ZMYM1: variants seen among roughly 807,000 people sequenced by gnomAD.
ZMYM1 encodes the protein zinc finger MYM-type containing 1.
In ZMYM1, 39 loss-of-function variants were observed where a neutral mutation model predicts 60.0. The observed-to-expected ratio is 0.65, with a 90% CI of 0.50 to 0.85. The LOEUF (loss-of-function observed/expected upper bound fraction) is 0.85, where lower values mean the gene tolerates loss of function less well. Among genes scored for constraint, ZMYM1 ranks in the 40% least tolerant of loss-of-function variants. The probability of loss-of-function intolerance (pLI) is 0.00; values close to 1 mark genes in which losing one functional copy is unlikely to be tolerated. For synonymous variants in ZMYM1, 413 were observed against 454.0 expected (o/e 0.91, Z 1.15); for missense variants, 1,171 against 1,309.5 (o/e 0.89, Z 1.63).
At chr1:35,077,768 A>C (rs1164299770), upstream of ZMYM1, among the ~76,000 whole-genome samples, 1 of 152,144 alleles carries the variant, frequency 6.6e-6, no homozygotes, top group Non-Finnish European at 1.5e-5. Context: ...TTGTCCTTAA[A>C]AACTCTGATT....
chr1:35,117,315 A>G (rs1327644597), downstream of ZMYM1, among the ~76,000 whole-genome samples: 1 of 149,972 alleles, frequency 6.7e-6, no homozygotes, highest in East Asian at 2.0e-4. Flanking sequence ...TACCTGTTTT[A>G]CTTTCTTTCT....
At chr1:35,117,477 G>A (rs763327108), downstream of ZMYM1, among the ~76,000 whole-genome samples, 3 of 151,632 alleles carry the variant, frequency 2.0e-5, no homozygotes, top group Non-Finnish European at 2.9e-5. Context: ...CCACCACCAC[G>A]CCTGGCTCAT....
chr1:35,114,773 A>G lies in ZMYM1; in HGVS notation c.2943A>G (p.Leu981=), dbSNP rs751374388. Residue 981 remains leucine (L), a synonymous_variant, in exon 10 of 10, where the codon TTA becomes TTG. Transcript: ENST00000359858. ...ATACTATATTACAAAATTTAAAGTT[A>G]TGTTTTTCGGAGTTTGATTATTGCA... ...GLDTILQNLK[L]CFSEFDYCKI... is the part of the protein sequence containing the mutation. 1.5e-5 allele frequency: 24 copies of G among 1,598,094 alleles called. No homozygotes were observed. In the South Asian group the frequency reaches 2.6e-4, roughly 17 times the overall value.
At chr1:35,069,200 A>C (rs1642027395) in intron 1 of ZMYM1, among the ~76,000 whole-genome samples, 1 of 152,188 alleles carries the variant, frequency 6.6e-6, no homozygotes, top group Admixed American at 6.5e-5. Flanking sequence ...GTACTAGTTT[A>C]TAATTTCACC....
Position 35,115,386 on chromosome 1 carries a change from C to A in ZMYM1, c.*127C>A. The A allele has an allele frequency of 8.8e-7, 1 of 1,141,334 alleles. No homozygotes were observed. 70.7% of individuals were successfully genotyped at this position (1,141,334 alleles called of 1,614,324 possible). On this transcript the variant is annotated 3_prime_UTR_variant, in exon 10 of 10. Coordinates refer to ENST00000359858, the MANE Select transcript of ZMYM1 (RefSeq NM_024772.5). ...AAGTCTCCTTCCCTCCTTTAGAACT[C>A]ATTTTCTCTTCCCAAAAAGTGTTAT...
At chr1:35,116,975 C>G (rs1223889389), downstream of ZMYM1, among the ~76,000 whole-genome samples, 4 of 148,420 alleles carry the variant, frequency 2.7e-5, no homozygotes, top group African/African-American at 9.8e-5. Context: ...TCCCGAGTAG[C>G]TGGGACTACA....
chr1:35,086,714 A>T (rs532974929), intron 1 of ZMYM1, among the ~76,000 whole-genome samples: 1 of 150,882 alleles, frequency 6.6e-6, no homozygotes, highest in African/African-American at 2.4e-5. Flanking sequence ...GCAGTTTCGC[A>T]CTGTCACCCA....
intron 4 of ZMYM1, among the ~76,000 whole-genome samples, chr1:35,097,890 C>T (rs1016968308): frequency 6.6e-6 from 1 of 152,172 alleles, no homozygotes; most frequent in African/African-American, 2.4e-5. Context: ...CTCAGGTGAT[C>T]CGCTTGCCTT....
intron 1 of ZMYM1, among the ~76,000 whole-genome samples, chr1:35,084,637 C>T (rs549839730): frequency 6.6e-6 from 1 of 152,330 alleles, no homozygotes; most frequent in East Asian, 1.9e-4. Context: ...TTTACCAAAA[C>T]CCCTCTATCT....
rs537548093 is a variant in ZMYM1, at chr1:35,082,144, T to C, written c.-75+2702T>C. Among the ~76,000 whole-genome samples, 5 of 152,296 alleles carry C rather than the reference T, an allele frequency of 3.3e-5. No homozygotes were observed. In the South Asian group the frequency reaches 1.0e-3, roughly 32 times the overall value. ...TTTTTTCTTGCTTTATTGATCTAAC[T>C]AGAACTTCTACTACAATGTTGAAGA... On this transcript the variant is annotated intron_variant, in intron 1 of 9. Transcript: ENST00000359858.
chr1:35,075,942 T>C (rs1197370475), upstream of ZMYM1, among the ~76,000 whole-genome samples: 1 of 152,122 alleles, frequency 6.6e-6, no homozygotes, highest in Non-Finnish European at 1.5e-5. Flanking sequence ...CAATACCTAT[T>C]TCCCCTCATA....
At chr1:35,101,170 G>A (rs550937136) in intron 4 of ZMYM1, among the ~76,000 whole-genome samples, 3 of 147,746 alleles carry the variant, frequency 2.0e-5, no homozygotes, top group South Asian at 2.1e-4. Context: ...GTTCAATAGC[G>A]GGATCTCAGC....
rs1557710346 is a variant in ZMYM1 at position 35,111,804 on chromosome 1, A to G, written c.994A>G (p.Thr332Ala). The G allele has an allele frequency of 1.4e-5, 22 of 1,606,498 alleles. No individual in the cohort carries two copies. Among genetic ancestry groups the G allele is most frequent in the Non-Finnish European group, 1.8e-5 (21 of 1,175,554 alleles). Reference sequence around the variant, plus strand: ...TGTTTCTGTGGTGCATGATACTTCAACAGAGCTTCTTTCTCCAAAGAAAGA... The same window carrying G: ...TGTTTCTGTGGTGCATGATACTTCAGCAGAGCTTCTTTCTCCAAAGAAAGA... ...SVVSVVHDTS[T>A]ELLSPKKDTT... is the part of the protein sequence containing the mutation. The change falls in exon 8 of 10, where the codon ACA becomes GCA. Residue 332 changes from threonine (T) to alanine (A), a missense_variant. Coordinates refer to ENST00000359858, the MANE Select transcript of ZMYM1 (RefSeq NM_024772.5).
At chr1:35,072,071 T>C (rs755034945) in intron 1 of ZMYM1, among the ~76,000 whole-genome samples, 1 of 151,968 alleles carries the variant, frequency 6.6e-6, no homozygotes, top group Non-Finnish European at 1.5e-5. Flanking sequence ...GAGGTGGAGG[T>C]TGCAGTGAGC....
At chr1:35,066,639 T>A (rs1269304812) in intron 1 of ZMYM1, among the ~76,000 whole-genome samples, 1 of 152,206 alleles carries the variant, frequency 6.6e-6, no homozygotes, top group Non-Finnish European at 1.5e-5. Flanking sequence ...AATGGTGAGC[T>A]ATAGGTGTTC....
intron 1 of ZMYM1, among the ~76,000 whole-genome samples, chr1:35,088,366 C>T (rs1642773146): frequency 1.3e-5 from 2 of 148,318 alleles, no homozygotes; most frequent in East Asian, 2.0e-4. Context: ...TGCAGTGAGC[C>T]GTGATCGTAC....
Position 35,111,925 on chromosome 1 carries a change from G to T in ZMYM1, c.1102+13G>T. The T allele has an allele frequency of 6.3e-7, 1 of 1,575,126 alleles. No homozygotes were observed. Among genetic ancestry groups the T allele is most frequent in the East Asian group, 2.3e-5 (1 of 44,202 alleles). ...GATGTCTTACAAGGTAAAAGTTGATGTTAAGATATTTGACATAAATATTGT... is the reference window on the plus strand; with the variant it reads ...GATGTCTTACAAGGTAAAAGTTGATTTTAAGATATTTGACATAAATATTGT... On this transcript the variant is annotated intron_variant, in intron 8 of 9. Coordinates refer to ENST00000359858, the MANE Select transcript of ZMYM1 (RefSeq NM_024772.5).
downstream of ZMYM1, among the ~76,000 whole-genome samples, chr1:35,118,163 C>T (rs1638526655): frequency 6.6e-6 from 1 of 150,630 alleles, no homozygotes; most frequent in Non-Finnish European, 1.5e-5. Context: ...ATCACTTGAA[C>T]CCAGGAGGCA....
intron 6 of ZMYM1, among the ~76,000 whole-genome samples, chr1:35,107,637 T>G (rs1016486408): frequency 6.6e-6 from 1 of 152,212 alleles, no homozygotes; most frequent in Non-Finnish European, 1.5e-5. Context: ...TCTACAATGT[T>G]AGTGAACTAT....
Sources: gnomAD v4.1 joint callset for allele counts (sites outside exome capture counted in the v4.1 genomes callset) on GRCh38, gnomAD v4.1.1 for gene constraint, MANE v1.5 for transcripts, NCBI Gene and HGNC (gene_info 2026-07-23, HGNC 2026-07-21) for gene names.